The following PCDH15 variants were observed in gnomAD, a reference collection of about 807,000 sequenced individuals.
PCDH15 encodes protocadherin-15.
A neutral mutation model predicts 178.5 loss-of-function variants in PCDH15; 129 were observed. The observed-to-expected ratio is 0.72, with a 90% CI of 0.63 to 0.84. PCDH15 has a LOEUF of 0.84. PCDH15 is among the 40% of genes least tolerant of loss of function. The probability of loss-of-function intolerance (pLI) is 0.00; values close to 1 mark genes in which losing one functional copy is unlikely to be tolerated. For missense variants in PCDH15, 2,230 were observed against 2,099.9 expected (o/e 1.06, Z -1.21); for synonymous variants, 800 against 732.0 (o/e 1.09, Z -1.50).
intron 3 of PCDH15, among the ~76,000 whole-genome samples, chr10:54,887,218 G>C (rs1248218200): frequency 6.6e-6 from 1 of 152,148 alleles, no homozygotes; most frequent in Non-Finnish European, 1.5e-5. Flanking sequence ...AAAAGTCTCT[G>C]TGTTTGTTTT....
At chr10:55,238,061 A>T (rs574318887) in intron 1 of PCDH15, among the ~76,000 whole-genome samples, 41 of 151,930 alleles carry the variant, frequency 2.7e-4, no homozygotes, top group African/African-American at 2.9e-4. Flanking sequence ...CTTAAAAATT[A>T]TATACGTGAT....
At chr10:54,929,038 T>A (rs1041804950) in intron 2 of PCDH15, among the ~76,000 whole-genome samples, 11 of 152,226 alleles carry the variant, frequency 7.2e-5, no homozygotes, top group African/African-American at 2.7e-4. Flanking sequence ...TTGCATTGGT[T>A]CTTTCTCATC....
intron 2 of PCDH15, among the ~76,000 whole-genome samples, chr10:55,092,763 A>G (rs954947666): frequency 1.3e-5 from 2 of 151,962 alleles, no homozygotes; most frequent in African/African-American, 4.8e-5. Context: ...TTGTATTTCA[A>G]TTTTGAAAGT....
At chr10:55,137,551 G>A (rs1334843513) in intron 2 of PCDH15, among the ~76,000 whole-genome samples, 1 of 151,340 alleles carries the variant, frequency 6.6e-6, no homozygotes, top group Non-Finnish European at 1.5e-5. Context: ...TTTTTTTTAA[G>A]GGTAAATCAC....
At chr10:53,897,651 C>A (rs550705004) in intron 26 of PCDH15, among the ~76,000 whole-genome samples, 2 of 151,780 alleles carry the variant, frequency 1.3e-5, no homozygotes, top group Admixed American at 1.3e-4. Context: ...CTTCTTCTTC[C>A]CAAACGGTAA....
intron 2 of PCDH15, among the ~76,000 whole-genome samples, chr10:54,975,726 T>G (rs1294582221): frequency 6.6e-6 from 1 of 152,188 alleles, no homozygotes; most frequent in Non-Finnish European, 1.5e-5. Flanking sequence ...TATCATATGA[T>G]AATACGGTAT....
At chr10:54,515,887 G>T (rs1019106512) in intron 3 of PCDH15, among the ~76,000 whole-genome samples, 1 of 152,138 alleles carries the variant, frequency 6.6e-6, no homozygotes, top group East Asian at 1.9e-4. Context: ...AGGCAAACAG[G>T]GTCTGGAGGG....
chr10:55,582,623 TA>T (rs56849486), intron 2 of PCDH15, among the ~76,000 whole-genome samples: 9,160 of 91,730 alleles, frequency 0.1, 578 homozygotes, highest in East Asian at 0.25. Flanking sequence ...TATATATATA[TA>T]TATATTTTTT....
chr10:55,534,823 T>G (rs1841534281), intron 2 of PCDH15, among the ~76,000 whole-genome samples: 1 of 151,972 alleles, frequency 6.6e-6, no homozygotes, highest in Non-Finnish European at 1.5e-5. Context: ...GAGGTGTCCA[T>G]CAACAATGGA....
At chr10:54,229,498 C>G (rs1246323661) in intron 9 of PCDH15, among the ~76,000 whole-genome samples, 1 of 152,118 alleles carries the variant, frequency 6.6e-6, no homozygotes, top group Non-Finnish European at 1.5e-5. Flanking sequence ...CAAATCTCAT[C>G]TTGAATTGTA....
At chr10:54,617,971 G>A (rs2093232320) in intron 2 of PCDH15, among the ~76,000 whole-genome samples, 1 of 151,454 alleles carries the variant, frequency 6.6e-6, no homozygotes, top group Admixed American at 6.6e-5. Flanking sequence ...GGAGAAAGAG[G>A]AGGATATAGA....
intron 2 of PCDH15, among the ~76,000 whole-genome samples, chr10:55,624,538 T>C (rs1837482760): frequency 6.6e-6 from 1 of 152,168 alleles, no homozygotes; most frequent in African/African-American, 2.4e-5. Context: ...TTTTTGTCTA[T>C]TGATATGTGA....
intron 14 of PCDH15, among the ~76,000 whole-genome samples, chr10:54,143,803 T>C (rs2043627862): frequency 6.6e-6 from 1 of 152,184 alleles, no homozygotes; most frequent in South Asian, 2.1e-4. Flanking sequence ...TTTCTCTGCC[T>C]ATTTTCTCCG....
chr10:53,808,828 C>T, intron 37 of PCDH15: 1 of 1,611,062 alleles, frequency 6.2e-7, no homozygotes, highest in Non-Finnish European at 8.5e-7. Context: ...GCTACTACTA[C>T]CTGATTCTGA....
chr10:53,989,472 G>A (rs1407400328), intron 21 of PCDH15, among the ~76,000 whole-genome samples: 2 of 151,988 alleles, frequency 1.3e-5, no homozygotes, highest in East Asian at 1.9e-4. Flanking sequence ...TTTTATACCC[G>A]TTTACACTTT....
chr10:54,233,997 C>A (rs1162501010), intron 9 of PCDH15, among the ~76,000 whole-genome samples: 1 of 152,092 alleles, frequency 6.6e-6, no homozygotes, highest in East Asian at 1.9e-4. Flanking sequence ...CAAATGGAAG[C>A]AGGAGAGGAG....
At chr10:53,823,362 G>A (rs1176895995) in intron 32 of PCDH15, 1 of 1,610,208 alleles carries the variant, frequency 6.2e-7, no homozygotes, top group African/African-American at 1.3e-5. Context: ...GAAAAGACTT[G>A]AAAGAAAAGA....
At chr10:53,972,136 C>T (rs1005823004) in intron 21 of PCDH15, among the ~76,000 whole-genome samples, 1 of 152,048 alleles carries the variant, frequency 6.6e-6, no homozygotes, top group Non-Finnish European at 1.5e-5. Flanking sequence ...TAATACCACA[C>T]ATTTACAACC....
At chr10:54,788,086 G>A (rs1951060574) in intron 1 of PCDH15, among the ~76,000 whole-genome samples, 1 of 151,798 alleles carries the variant, frequency 6.6e-6, no homozygotes. Context: ...GAAAAATAAT[G>A]AGAACTTTCA....
Sources: allele counts gnomAD v4.1 joint callset (sites outside exome capture counted in the v4.1 genomes callset), GRCh38; gene constraint gnomAD v4.1.1; transcripts MANE v1.5; gene names NCBI Gene and HGNC (gene_info 2026-07-23, HGNC 2026-07-21).